The following GNAQ variants were observed in gnomAD, a reference collection of about 807,000 sequenced individuals.
GNAQ encodes G protein subunit alpha q.
A neutral mutation model predicts 43.9 loss-of-function variants in GNAQ; 8 were observed. The ratio of observed to expected loss-of-function variants is 0.18; its 90% CI spans 0.11 to 0.33. The LOEUF (loss-of-function observed/expected upper bound fraction) is 0.33. Ranked by LOEUF, GNAQ falls within the 10% of genes least tolerant of loss-of-function variation. The pLI, the probability that GNAQ is intolerant of heterozygous loss-of-function variation, is 1.00. For synonymous variants in GNAQ, 155 were observed against 170.7 expected, an observed-to-expected ratio of 0.91 and a Z score of 0.71; for missense variants, 158 against 450.8, an observed-to-expected ratio of 0.35 and a Z score of 5.88.
At chr9:77,972,891 T>C (rs1278443619) in intron 1 of GNAQ, among the ~76,000 whole-genome samples, 1 of 149,982 alleles carries the variant, frequency 6.7e-6, no homozygotes, top group East Asian at 2.0e-4. Context: ...TGGTGGAGTT[T>C]GCAGTGAGCC....
intron 1 of GNAQ, among the ~76,000 whole-genome samples, chr9:77,924,341 G>A (rs1829038791): frequency 6.6e-6 from 1 of 151,908 alleles, no homozygotes; most frequent in Non-Finnish European, 1.5e-5. Context: ...ACTCTCCCAA[G>A]CAATTAAAAG....
At chr9:78,021,256 G>A (rs1823905678) in intron 1 of GNAQ, among the ~76,000 whole-genome samples, 1 of 151,748 alleles carries the variant, frequency 6.6e-6, no homozygotes, top group Non-Finnish European at 1.5e-5. Context: ...GAACTCTTGG[G>A]CTCAAGCAAT....
intron 1 of GNAQ, among the ~76,000 whole-genome samples, chr9:77,941,541 G>A (rs1829315136): frequency 6.6e-6 from 1 of 152,122 alleles, no homozygotes. Context: ...GAGCCACCAT[G>A]CCTGGCCAAT....
At chr9:78,008,334 T>C (rs1823731338) in intron 1 of GNAQ, among the ~76,000 whole-genome samples, 1 of 152,228 alleles carries the variant, frequency 6.6e-6, no homozygotes, top group South Asian at 2.1e-4. Context: ...TCATCTGTGC[T>C]GGCCAGCCAC....
intron 2 of GNAQ, among the ~76,000 whole-genome samples, chr9:77,837,017 G>A (rs529645688): frequency 2.3e-4 from 35 of 152,234 alleles, no homozygotes; most frequent in Non-Finnish European, 4.1e-4. Flanking sequence ...TAATCTTGTA[G>A]GAGGAACTTT....
At chr9:77,758,168 C>A (rs998409894) in intron 5 of GNAQ, among the ~76,000 whole-genome samples, 1 of 152,220 alleles carries the variant, frequency 6.6e-6, no homozygotes, top group Admixed American at 6.5e-5. Context: ...TGCTGCGCCA[C>A]GCAAAGACAT....
intron 2 of GNAQ, among the ~76,000 whole-genome samples, chr9:77,914,593 C>T (rs1274152954): frequency 2.0e-5 from 3 of 151,766 alleles, no homozygotes; most frequent in Non-Finnish European, 2.9e-5. Flanking sequence ...ACCCAGGAGG[C>T]GGAGGTTGCG....
intron 2 of GNAQ, among the ~76,000 whole-genome samples, chr9:77,846,865 AT>A (rs1190389132): frequency 3.9e-5 from 6 of 152,208 alleles, no homozygotes; most frequent in Non-Finnish European, 5.9e-5. Flanking sequence ...GACAAATATG[AT>A]TATCTCACAT....
At chr9:77,852,660 G>A (rs1453060797) in intron 2 of GNAQ, among the ~76,000 whole-genome samples, 2 of 152,216 alleles carry the variant, frequency 1.3e-5, no homozygotes, top group African/African-American at 2.4e-5. Context: ...TTGGGACTAC[G>A]TGATCGCTCA....
intron 2 of GNAQ, among the ~76,000 whole-genome samples, chr9:77,824,967 G>A (rs1827171062): frequency 6.6e-6 from 1 of 152,188 alleles, no homozygotes; most frequent in Non-Finnish European, 1.5e-5. Flanking sequence ...ATATAAAAAT[G>A]CATTCTCTGC....
chr9:77,933,356 C>A (rs1203201608), intron 1 of GNAQ, among the ~76,000 whole-genome samples: 3 of 152,186 alleles, frequency 2.0e-5, no homozygotes, highest in African/African-American at 7.2e-5. Context: ...CAAACACACA[C>A]ACACACATTT....
chr9:77,915,527 A>C (rs999292261), intron 2 of GNAQ, among the ~76,000 whole-genome samples: 7 of 151,926 alleles, frequency 4.6e-5, no homozygotes, highest in Admixed American at 3.3e-4. Context: ...ACTTTCAAAA[A>C]CCATTTATGA....
intron 1 of GNAQ, among the ~76,000 whole-genome samples, chr9:77,952,357 C>T (rs1401814626): frequency 1.3e-5 from 2 of 151,894 alleles, no homozygotes; most frequent in Non-Finnish European, 2.9e-5. Flanking sequence ...ATGTTGAATC[C>T]ATAATATTAA....
At chr9:77,981,739 T>C (rs1202061034) in intron 1 of GNAQ, among the ~76,000 whole-genome samples, 1 of 152,202 alleles carries the variant, frequency 6.6e-6, no homozygotes, top group Non-Finnish European at 1.5e-5. Flanking sequence ...CTATTAGACA[T>C]GTCTCAAGAA....
intron 1 of GNAQ, among the ~76,000 whole-genome samples, chr9:78,010,493 T>C (rs1442095069): frequency 2.0e-5 from 3 of 152,132 alleles, no homozygotes; most frequent in Non-Finnish European, 4.4e-5. Context: ...CAGACGCCAC[T>C]CAAGTATGGG....
intron 1 of GNAQ, among the ~76,000 whole-genome samples, chr9:78,004,831 G>A (rs1253624897): frequency 6.6e-6 from 1 of 152,028 alleles, no homozygotes; most frequent in Admixed American, 6.6e-5. Flanking sequence ...CATCCTAGGG[G>A]TGGGAGAGAA....
rs983974862 is a variant in GNAQ, at chr9:77,838,794, AAT to A, written c.322-23026_322-23025del. ...AAGAGCTACATTACTTGTACAATTT[AAT>A]ATATATATATAAATGTATACATTAA... On this transcript the variant is annotated intron_variant, in intron 2 of 6. Coordinates refer to ENST00000286548, the MANE Select transcript of GNAQ (RefSeq NM_002072.5). Among the ~76,000 whole-genome samples the A allele has an allele frequency of 7.2e-5, 11 of 151,822 alleles. 1 individual carries two copies. Among genetic ancestry groups the A allele is most frequent in the African/African-American group, 1.7e-4 (7 of 41,346 alleles).
intron 2 of GNAQ, among the ~76,000 whole-genome samples, chr9:77,818,695 T>C (rs1827059522): frequency 6.6e-6 from 1 of 152,104 alleles, no homozygotes; most frequent in African/African-American, 2.4e-5. Flanking sequence ...ATTTTGAACA[T>C]TGTGCACAGA....
chr9:77,756,779 C>T (rs572026933), intron 5 of GNAQ, among the ~76,000 whole-genome samples: 1 of 152,318 alleles, frequency 6.6e-6, no homozygotes, highest in Non-Finnish European at 1.5e-5. Context: ...GATATGGTAG[C>T]CTCATTTCTC....
Sources: allele counts gnomAD v4.1 joint callset (sites outside exome capture counted in the v4.1 genomes callset), GRCh38; gene constraint gnomAD v4.1.1; transcripts MANE v1.5; gene names NCBI Gene and HGNC (gene_info 2026-07-23, HGNC 2026-07-21).